ZSCAN22: variants seen among roughly 807,000 people sequenced by gnomAD.
ZSCAN22 encodes the protein zinc finger and SCAN domain-containing protein 22.
ZSCAN22 carries 7 observed loss-of-function variants against 12.4 expected under a neutral mutation model. The observed-to-expected ratio is 0.57, with a 90% confidence interval of 0.32 to 1.06. The LOEUF is 1.06. Among genes scored for constraint, ZSCAN22 ranks in the 50% least tolerant of loss-of-function variants. ZSCAN22 has a pLI of 0.04. For synonymous variants in ZSCAN22, 243 were observed against 255.9 expected (o/e 0.95, Z 0.48); for missense variants, 576 against 631.7 (o/e 0.91, Z 0.94).
Position 58,338,541 on chromosome 19 carries a change from AG to A in ZSCAN22, c.692del (p.Ser231MetfsTer109), listed in dbSNP as rs747124977. 4 of 1,614,206 alleles carry A rather than the reference AG, an allele frequency of 2.5e-6. No individual in the cohort carries two copies. The Admixed American group carries it at 6.7e-5, about 27-fold the overall frequency. On this transcript the variant is annotated frameshift_variant, in exon 3 of 3. Coordinates refer to ENST00000329665, the MANE Select transcript of ZSCAN22 (RefSeq NM_181846.3). LOFTEE classifies it low-confidence loss of function (END_TRUNC). This position sits in a 1 kb window ranked among gnomAD's most constrained non-coding sequence, Gnocchi z 5.4. The stretch of plus-strand genomic sequence containing the variant: ...ATCTGGTGCCTCGAGGAACAGTTCT[AG>A]TGCGTGGCCAAACCTCACCTCCCAA... ...RESGASRNSS[S>X]AWPNLTSQEK...
At position 58,339,280 on chromosome 19, in the gene ZSCAN22, C is replaced by G; in HGVS notation, c.1430C>G (p.Ser477Ter). Residue 477 changes from serine (S) to a stop codon, truncating the protein, a stop_gained, in exon 3 of 3, where the codon TCA (serine) becomes TGA (stop). Coordinates refer to ENST00000329665, the MANE Select transcript of ZSCAN22 (RefSeq NM_181846.3). LOFTEE classifies it low-confidence loss of function (END_TRUNC). The surrounding 1 kb of genome is among the most constrained non-coding windows in gnomAD (Gnocchi z 5.6). ...SDCGKAFSRS[S>*]ALMVHLRIHI... The stretch of plus-strand genomic sequence containing the variant: ...TGTGGGAAGGCCTTCAGTCGTAGCT[C>G]AGCCCTGATGGTTCACTTGCGGATC... The G allele has an allele frequency of 6.2e-7, 1 of 1,613,836 alleles. No individual in the cohort carries two copies. Among genetic ancestry groups the G allele is most frequent in the South Asian group, 1.1e-5 (1 of 91,056 alleles).
rs372855857 is a variant in ZSCAN22, at chr19:58,338,276, C to T, written c.426C>T (p.Pro142=). 3 of 1,602,398 alleles carry T rather than the reference C, an allele frequency of 1.9e-6. No homozygotes were observed. The highest frequency in any genetic ancestry group is 2.6e-6 in the Non-Finnish European group (3 of 1,171,128). The stretch of plus-strand genomic sequence containing the variant: ...CAGGATGGGATCCAGGAGCCGAGCC[C>T]ACAGAGGCAAGCTGCAAGCAGAGTG... ...DKRGWDPGAE[P]TEASCKQSDL... The change falls in exon 3 of 3, where the codon CCC becomes CCT. Residue 142 remains proline, a synonymous_variant. Coordinates refer to ENST00000329665, the MANE Select transcript of ZSCAN22 (RefSeq NM_181846.3). This position sits in a 1 kb window ranked among gnomAD's most constrained non-coding sequence, Gnocchi z 5.4.
rs201056907 is a variant in ZSCAN22 at position 58,338,999 on chromosome 19, C to T, written c.1149C>T (p.Asp383=). 2.7e-5 allele frequency: 44 copies of T among 1,612,500 alleles called. No homozygotes were observed. In the East Asian group the frequency reaches 6.3e-4, roughly 23 times the overall value. ...VHTGERPYEC[D]ACGKAFSQST... ...CGGGGGAGCGGCCCTACGAGTGTGA[C>T]GCGTGTGGGAAAGCCTTCAGCCAGA... The change falls in exon 3 of 3, where the codon GAC becomes GAT. Residue 383 remains aspartate (D), a synonymous_variant. Coordinates refer to ENST00000329665, the MANE Select transcript of ZSCAN22 (RefSeq NM_181846.3). The surrounding 1 kb of genome is among the most constrained non-coding windows in gnomAD (Gnocchi z 5.4).
chr19:58,337,905 C>CTCAG (rs149095871), intron 2 of ZSCAN22, among the ~76,000 whole-genome samples: 1,757 of 152,338 alleles, frequency 0.012, 34 homozygotes, highest in African/African-American at 0.039. Context: ...GGTGCATGTG[C>CTCAG]TCAGGGTCCT....
Position 58,338,535 on chromosome 19 carries a change from A to G in ZSCAN22, c.685A>G (p.Ser229Gly). The G allele has an allele frequency of 3.1e-6, 5 of 1,614,230 alleles. No individual in the cohort carries two copies. The highest frequency in any genetic ancestry group is 1.3e-5 in the African/African-American group (1 of 75,052). The change falls in exon 3 of 3, where the codon AGT (serine) becomes GGT (glycine). Residue 229 changes from serine (S) to glycine (G), a missense_variant. Physicochemically the swap from Ser to Gly is moderately conservative, Grantham distance 56. Transcript: ENST00000329665. The surrounding 1 kb of genome is among the most constrained non-coding windows in gnomAD (Gnocchi z 5.4). The stretch of plus-strand genomic sequence containing the variant: ...CCGTGAATCTGGTGCCTCGAGGAAC[A>G]GTTCTAGTGCGTGGCCAAACCTCAC... ...RGRESGASRN[S>G]SSAWPNLTSQ...
chr19:58,332,962 CAT>C (rs1330042156), intron 1 of ZSCAN22, among the ~76,000 whole-genome samples: 3 of 152,208 alleles, frequency 2.0e-5, no homozygotes, highest in South Asian at 2.1e-4. Flanking sequence ...CTTGCCTACA[CAT>C]GTTATCTGAT....
chr19:58,339,038 T>C lies in ZSCAN22; in HGVS notation c.1188T>C (p.Thr396=). 1 of 1,613,412 alleles carries C rather than the reference T, an allele frequency of 6.2e-7. No individual in the cohort carries two copies. Among genetic ancestry groups the C allele is most frequent in the East Asian group, 2.2e-5 (1 of 44,854 alleles). Reference sequence around the variant, plus strand: ...CCTTCAGCCAGAGCACGCACCTGACTCAACACCAGCGCATCCACACCGGGG... The same window carrying C: ...CCTTCAGCCAGAGCACGCACCTGACCCAACACCAGCGCATCCACACCGGGG... ...GKAFSQSTHL[T]QHQRIHTGEK... is the part of the protein sequence containing the mutation. Residue 396 remains threonine (T), a synonymous_variant, in exon 3 of 3, where the codon ACT becomes ACC. Coordinates refer to ENST00000329665, the MANE Select transcript of ZSCAN22 (RefSeq NM_181846.3). This position sits in a 1 kb window ranked among gnomAD's most constrained non-coding sequence, Gnocchi z 5.6.
chr19:58,332,884 T>C (rs148424670), intron 1 of ZSCAN22, among the ~76,000 whole-genome samples: 2 of 152,238 alleles, frequency 1.3e-5, no homozygotes, highest in Non-Finnish European at 2.9e-5. Context: ...CAGACTGTAC[T>C]TCCCACAGTG....
chr19:58,337,268 T>A (rs1056581457), intron 2 of ZSCAN22, among the ~76,000 whole-genome samples: 1 of 152,210 alleles, frequency 6.6e-6, no homozygotes, highest in African/African-American at 2.4e-5. Context: ...ACTGAGCACC[T>A]GTGGACACAT....
In ZSCAN22 at chr19:58,329,587, C is replaced by G. The variant is rs1005192924; in HGVS notation, c.-52+2473C>G. 6.6e-6 allele frequency among the ~76,000 whole-genome samples: 1 copy of G among 152,132 alleles called. No homozygotes were observed. The highest frequency in any genetic ancestry group is 2.4e-5 in the African/African-American group (1 of 41,426). ...GTAGAGAATGTCAAGAAAAGTAATA[C>G]AGTAGTCACCCCTCATCTTCAGTTT... On this transcript the variant is annotated intron_variant, in intron 1 of 2. Transcript: ENST00000329665. This position sits in a 1 kb window ranked among gnomAD's most constrained non-coding sequence, Gnocchi z 4.1.
chr19:58,341,012 C>G lies in ZSCAN22; in HGVS notation c.*1686C>G, dbSNP rs2051868669. On this transcript the variant is annotated 3_prime_UTR_variant, in exon 3 of 3. Coordinates refer to ENST00000329665, the MANE Select transcript of ZSCAN22 (RefSeq NM_181846.3). ...TCTTACTCTCAGTATCTACAACACA[C>G]AAGACTCAGTAGGCCCTGACTGATG... 6.6e-6 allele frequency: 1 copy of G among 152,178 alleles called. No homozygotes were observed. The highest frequency in any genetic ancestry group is 6.6e-5 in the Admixed American group (1 of 15,266). 9.4% of individuals were successfully genotyped at this position (152,178 alleles called of 1,614,324 possible). A position where few individuals can be genotyped will look rare whatever the true frequency, so the allele number is the denominator to read the frequency against.
chr19:58,334,178 G>C (rs765180248), intron 1 of ZSCAN22, among the ~76,000 whole-genome samples: 26 of 152,228 alleles, frequency 1.7e-4, no homozygotes, highest in Non-Finnish European at 3.1e-4. Context: ...GTAGGTTTGC[G>C]TGGGTTTGTA....
In ZSCAN22 at chr19:58,338,713, A is replaced by G. The variant is rs1337680381; in HGVS notation, c.863A>G (p.Lys288Arg). 2 of 1,614,100 alleles carry G rather than the reference A, an allele frequency of 1.2e-6. No individual in the cohort carries two copies. The highest frequency in any genetic ancestry group is 2.2e-5 in the East Asian group (1 of 44,888). ...GCTTCGGCGCTCGAGGCACACCAGA[A>G]GACCCATTCTCGGAAGACCCCATAT... Reference protein sequence around the residue: ...QSASALEAHQKTHSRKTPYAC... With the variant: ...QSASALEAHQRTHSRKTPYAC... The change falls in exon 3 of 3, where the codon AAG becomes AGG. Residue 288 changes from lysine to arginine, a missense_variant. By Grantham distance (26) the Lys-to-Arg change is conservative. Transcript: ENST00000329665. This position sits in a 1 kb window ranked among gnomAD's most constrained non-coding sequence, Gnocchi z 5.4.
At position 58,341,266 on chromosome 19, in the gene ZSCAN22, T is replaced by G. The variant is rs2051871855; in HGVS notation, c.*1940T>G. 1 of 152,220 alleles carries G rather than the reference T, an allele frequency of 6.6e-6. No homozygotes were observed. Among genetic ancestry groups the G allele is most frequent in the Non-Finnish European group, 1.5e-5 (1 of 68,034 alleles). 9.4% of individuals were successfully genotyped at this position (152,220 alleles called of 1,614,324 possible). ...TTTTCTAGGGCCCCAGATCCCCTGG[T>G]GTCATGGACTTAGTCTTTGCCAGCA... On this transcript the variant is annotated 3_prime_UTR_variant, in exon 3 of 3. Transcript: ENST00000329665.
chr19:58,338,648 G>T lies in ZSCAN22; in HGVS notation c.798G>T (p.Arg266Ser). ...TEPPYTYSGK[R>S]SSKCRECRKM... The stretch of plus-strand genomic sequence containing the variant: ...CTCCATACACCTACTCAGGGAAGAG[G>T]TCCTCCAAGTGTCGCGAGTGTAGGA... The change falls in exon 3 of 3, where the codon AGG (arginine) becomes AGT (serine). Residue 266 changes from arginine (R) to serine (S), a missense_variant. Coordinates refer to ENST00000329665, the MANE Select transcript of ZSCAN22 (RefSeq NM_181846.3). The surrounding 1 kb of genome is among the most constrained non-coding windows in gnomAD (Gnocchi z 5.4). The T allele has an allele frequency of 6.2e-7, 1 of 1,614,228 alleles. No homozygotes were observed. Among genetic ancestry groups the T allele is most frequent in the Non-Finnish European group, 8.5e-7 (1 of 1,180,050 alleles).
In ZSCAN22 at chr19:58,338,180, G is replaced by A. The variant is rs2051819648; in HGVS notation, c.404-74G>A. 1.5e-6 allele frequency: 2 copies of A among 1,379,226 alleles called. No individual in the cohort carries two copies. The highest frequency in any genetic ancestry group is 2.0e-6 in the Non-Finnish European group (2 of 1,008,632). The allele number at this position is 1,379,226 out of a possible 1,614,324, so 85.4% of individuals were successfully genotyped here. A position where few individuals can be genotyped will look rare whatever the true frequency, so the allele number is the denominator to read the frequency against. ...GGCCACATCTCCCCTTACAAAGTGT[G>A]ACCGGGGCCCTCGGCAGAGTAGGGG... is the stretch of plus-strand genomic sequence containing the variant. On this transcript the variant is annotated intron_variant, in intron 2 of 2. Coordinates refer to ENST00000329665, the MANE Select transcript of ZSCAN22 (RefSeq NM_181846.3). This position sits in a 1 kb window ranked among gnomAD's most constrained non-coding sequence, Gnocchi z 5.4.
Position 58,341,785 on chromosome 19 carries a change from G to C in ZSCAN22, c.*2459G>C, listed in dbSNP as rs906792876. The C allele has an allele frequency of 6.6e-6, 1 of 152,216 alleles. No homozygotes were observed. Among genetic ancestry groups the C allele is most frequent in the Non-Finnish European group, 1.5e-5 (1 of 68,062 alleles). 9.4% of individuals were successfully genotyped at this position (152,216 alleles called of 1,614,324 possible). ...CAGCATGCTGGAGGGAACAGAAAAG[G>C]CATGGGCCTGAATTCAGGCTGCAGA... is the stretch of plus-strand genomic sequence containing the variant. On this transcript the variant is annotated 3_prime_UTR_variant, in exon 3 of 3. Transcript: ENST00000329665.
chr19:58,338,967 G>T lies in ZSCAN22; in HGVS notation c.1117G>T (p.Val373Leu), dbSNP rs148862613. 8.6e-4 allele frequency: 1,381 copies of T among 1,613,756 alleles called. 1 individual carries two copies. Among genetic ancestry groups the T allele is most frequent in the Non-Finnish European group, 1.1e-3 (1,277 of 1,179,808 alleles). Reference protein sequence around the residue: ...RSTHLTQHQRVHTGERPYECD... With the variant: ...RSTHLTQHQRLHTGERPYECD... ...CACTCACCTCACCCAGCACCAGCGG[G>T]TGCACACGGGGGAGCGGCCCTACGA... Residue 373 changes from valine (V) to leucine (L), a missense_variant, in exon 3 of 3, where the codon GTG (valine) becomes TTG (leucine). Coordinates refer to ENST00000329665, the MANE Select transcript of ZSCAN22 (RefSeq NM_181846.3). This position sits in a 1 kb window ranked among gnomAD's most constrained non-coding sequence, Gnocchi z 5.4.
rs2147981487 is a variant in ZSCAN22, at chr19:58,329,547, A to C, written c.-52+2433A>C. 6.6e-6 allele frequency among the ~76,000 whole-genome samples: 1 copy of C among 152,344 alleles called. No individual in the cohort carries two copies. Among genetic ancestry groups the C allele is most frequent in the South Asian group, 2.1e-4 (1 of 4,830 alleles). On this transcript the variant is annotated intron_variant, in intron 1 of 2. Transcript: ENST00000329665. The surrounding 1 kb of genome is among the most constrained non-coding windows in gnomAD (Gnocchi z 4.1). ...TTCTTCCTGACTATAAGAGAAAACA[A>C]ATTCACTGTGGGAAGTAGAGAATGT...
Sources: allele counts gnomAD v4.1 joint callset (sites outside exome capture counted in the v4.1 genomes callset), GRCh38; gene constraint gnomAD v4.1.1; non-coding constraint Gnocchi (gnomAD v3.1); transcripts MANE v1.5; gene names NCBI Gene and HGNC (gene_info 2026-07-23, HGNC 2026-07-21).